The following TUBGCP6 variants were observed in gnomAD, a reference collection of about 807,000 sequenced individuals.
TUBGCP6 encodes the protein tubulin gamma complex component 6.
A neutral mutation model predicts 175.8 loss-of-function variants in TUBGCP6; 161 were observed. The ratio of observed to expected loss-of-function variants is 0.92; its 90% CI spans 0.81 to 1.04. The LOEUF is 1.04. TUBGCP6 is among the 50% of genes least tolerant of loss of function. TUBGCP6 has a pLI of 0.00. For synonymous variants in TUBGCP6, 1,173 were observed against 1,030.5 expected, an observed-to-expected ratio of 1.14 and a Z score of -2.65; for missense variants, 2,572 against 2,433.0, an observed-to-expected ratio of 1.06 and a Z score of -1.20.
chr22:50,236,683 T>A (rs926815394), intron 2 of TUBGCP6, among the ~76,000 whole-genome samples: 1 of 152,182 alleles, frequency 6.6e-6, no homozygotes, highest in African/African-American at 2.4e-5. Context: ...AGACCAGCCC[T>A]GAGATGTCCA....
At position 50,222,115 on chromosome 22, in the gene TUBGCP6, C is replaced by A; in HGVS notation, c.2410-13G>T. ...CTTTCAGCATCTCCTGAAATTCAAG[C>A]CAGAGGGGTGACTGGCCAAGCCGGA... On this transcript the variant is annotated splice_polypyrimidine_tract_variant and intron_variant, in intron 14 of 24. Transcript: ENST00000248846. 1 of 1,612,828 alleles carries A rather than the reference C, an allele frequency of 6.2e-7. No homozygotes were observed. The highest frequency in any genetic ancestry group is 8.5e-7 in the Non-Finnish European group (1 of 1,179,802).
Position 50,220,998 on chromosome 22 carries a change from C to T in TUBGCP6, c.3361G>A (p.Val1121Met). 1 of 1,611,776 alleles carries T rather than the reference C, an allele frequency of 6.2e-7. No individual in the cohort carries two copies. Among genetic ancestry groups the T allele is most frequent in the East Asian group, 2.2e-5 (1 of 44,716 alleles). Residue 1121 changes from valine to methionine, a missense_variant, in exon 16 of 25, where the codon GTG becomes ATG. Transcript: ENST00000248846. ...GGCCTGGTGGGAGCCACATCTGACA[C>T]ATTCTCCCCGACCCTGATGCTGGCG... ...SNASIRVGENVSDVAPTRPRW... is the reference protein window; with the variant it reads ...SNASIRVGENMSDVAPTRPRW...
At chr22:50,239,761 T>C (rs1234861305) in intron 2 of TUBGCP6, among the ~76,000 whole-genome samples, 2 of 152,200 alleles carry the variant, frequency 1.3e-5, no homozygotes, top group African/African-American at 2.4e-5. Flanking sequence ...AAAAGGCTCC[T>C]TCATCAGCAC....
Position 50,226,158 on chromosome 22 carries a change from G to C in TUBGCP6, c.1725C>G (p.Leu575=). 2 of 1,614,182 alleles carry C rather than the reference G, an allele frequency of 1.2e-6. No individual in the cohort carries two copies. Among genetic ancestry groups the C allele is most frequent in the South Asian group, 1.1e-5 (1 of 91,086 alleles). The change falls in exon 9 of 25, where the codon CTC becomes CTG. Residue 575 remains leucine (L), a synonymous_variant. Transcript: ENST00000248846. ...CACAGTCCTCCACCTCTTTGGAGAT[G>C]AGCACGTAGCCATGTGTCCAGTACA... The part of the protein sequence containing the change: ...DKLYWTHGYV[L]ISKEVEDCVP...
chr22:50,219,276 AG>A lies in TUBGCP6; in HGVS notation c.4484+11del. The A allele has an allele frequency of 6.2e-7, 1 of 1,607,256 alleles. No individual in the cohort carries two copies. The highest frequency in any genetic ancestry group is 1.3e-5 in the African/African-American group (1 of 75,002). On this transcript the variant is annotated intron_variant, in intron 19 of 24. Transcript: ENST00000248846. ...TGGGTGGGCAGACTGGCGCAGGGGC[AG>A]GGGCACTCACTGGGCGGCCAGCGGT...
In TUBGCP6 at chr22:50,233,804, C is replaced by T. The variant is rs78956285; in HGVS notation, c.906-278G>A. ...GGTCCTGGGCATGGCCGGGGGTATC[C>T]GACTGGCCCAGCCCTGGAAGAGCAC... On this transcript the variant is annotated intron_variant, in intron 2 of 24. Transcript: ENST00000248846. 0.027 allele frequency among the ~76,000 whole-genome samples: 4,077 copies of T among 152,186 alleles called. 105 individuals carry two copies. The highest frequency in any genetic ancestry group is 0.13 in the East Asian group (685 of 5,192).
At chr22:50,227,618 G>A (rs1245043642) in intron 5 of TUBGCP6, among the ~76,000 whole-genome samples, 1 of 152,246 alleles carries the variant, frequency 6.6e-6, no homozygotes, top group Non-Finnish European at 1.5e-5. Flanking sequence ...TCACTAACCA[G>A]CTTGTGTGTA....
intron 2 of TUBGCP6, among the ~76,000 whole-genome samples, chr22:50,235,599 T>C (rs996805015): frequency 9.9e-5 from 15 of 152,198 alleles, no homozygotes; most frequent in African/African-American, 3.6e-4. Flanking sequence ...CACAAAACAC[T>C]GTGCAACTCC....
intron 1 of TUBGCP6, 61 bp from the exon 2 acceptor site, chr22:50,240,428 C>A: frequency 6.3e-7 from 1 of 1,591,316 alleles, no homozygotes; most frequent in Non-Finnish European, 8.6e-7. Context: ...CATCCAAGGG[C>A]GATGAGAATT....
At chr22:50,230,111 G>A (rs1032443557) in intron 3 of TUBGCP6, among the ~76,000 whole-genome samples, 3 of 151,994 alleles carry the variant, frequency 2.0e-5, no homozygotes, top group Admixed American at 1.3e-4. Context: ...AAAATATCCC[G>A]CAATACAAAG....
Position 50,245,020 on chromosome 22 carries a change from G to A in TUBGCP6, c.-561C>T, listed in dbSNP as rs2064903701. 4.1e-6 allele frequency: 1 copy of A among 243,336 alleles called. No individual in the cohort carries two copies. Among genetic ancestry groups the A allele is most frequent in the Admixed American group, 5.2e-5 (1 of 19,090 alleles). The allele number at this position is 243,336 out of a possible 1,614,324, so 15.1% of individuals were successfully genotyped here. A position where few individuals can be genotyped will look rare whatever the true frequency, so the allele number is the denominator to read the frequency against. Reference sequence around the variant, plus strand: ...CCTCCGTCGCGTCACAGCCGCGCCAGTGTGAAGAGCACTAGGGCGGGCGCG... The same window carrying A: ...CCTCCGTCGCGTCACAGCCGCGCCAATGTGAAGAGCACTAGGGCGGGCGCG... On this transcript the variant is annotated 5_prime_UTR_variant, in exon 1 of 25. Transcript: ENST00000248846.
chr22:50,236,291 A>G (rs2064777982), intron 2 of TUBGCP6, among the ~76,000 whole-genome samples: 1 of 151,962 alleles, frequency 6.6e-6, no homozygotes, highest in African/African-American at 2.4e-5. Context: ...ACGGGCCACC[A>G]TGCCTGGCTA....
intron 2 of TUBGCP6, among the ~76,000 whole-genome samples, chr22:50,235,088 ACATCATCCACAACCCTATCCACTGCAG>A (rs1024002221): frequency 1.3e-5 from 2 of 148,350 alleles, no homozygotes; most frequent in Non-Finnish European, 3.0e-5. Context: ...GTCCATGGGA[ACATCATCCACAACCCTATCCACTGCAG>A]CATCATCCAC....
At chr22:50,235,669 C>T (rs2064769590) in intron 2 of TUBGCP6, among the ~76,000 whole-genome samples, 1 of 152,168 alleles carries the variant, frequency 6.6e-6, no homozygotes, top group Admixed American at 6.5e-5. Context: ...AGGCCAGGTG[C>T]GGTGGCTCAT....
In TUBGCP6 at chr22:50,226,979, G is replaced by C; in HGVS notation, c.1491+20C>G. ...TGGAGCCCACCAGGCTGACACACTC[G>C]GCAGGGACGCACAACTCACGGTGGG... On this transcript the variant is annotated intron_variant, in intron 6 of 24. Coordinates refer to ENST00000248846, the MANE Select transcript of TUBGCP6 (RefSeq NM_020461.4). The C allele has an allele frequency of 6.2e-7, 1 of 1,608,740 alleles. No homozygotes were observed. Among genetic ancestry groups the C allele is most frequent in the Non-Finnish European group, 8.5e-7 (1 of 1,178,020 alleles).
Position 50,218,104 on chromosome 22 carries a change from C to A in TUBGCP6, c.5182G>T (p.Glu1728Ter), listed in dbSNP as rs1044055223. 1 of 1,612,624 alleles carries A rather than the reference C, an allele frequency of 6.2e-7. No homozygotes were observed. The highest frequency in any genetic ancestry group is 8.5e-7 in the Non-Finnish European group (1 of 1,179,702). The change falls in exon 24 of 25, where the codon GAG (glutamate) becomes TAG (stop). Residue 1728 changes from glutamate to a stop codon, truncating the protein, a stop_gained. Transcript: ENST00000248846. LOFTEE classifies it high-confidence loss of function. Reference protein sequence around the residue: ...HKAVFRGLLTEKAAPVMNVIH... With the variant: ...HKAVFRGLLT ...ACGTTCATGACGGGCGCCGCCTTCT[C>A]CGTGAGCAGGCCCCTGGGGGGAAGC...
chr22:50,218,557 A>G lies in TUBGCP6; in HGVS notation c.4885T>C (p.Ser1629Pro). The change falls in exon 22 of 25, where the codon TCC becomes CCC. Residue 1629 changes from serine (S) to proline (P), a missense_variant. Coordinates refer to ENST00000248846, the MANE Select transcript of TUBGCP6 (RefSeq NM_020461.4). ...ATGAGCTTCAGCTGCAGCAGGAAGGAGAAGACGCCGCTGTACTTGCTCACG... is the reference window on the plus strand; with the variant it reads ...ATGAGCTTCAGCTGCAGCAGGAAGGGGAAGACGCCGCTGTACTTGCTCACG... ...GCVSKYSGVF[S>P]FLLQLKLMMW... 6.2e-7 allele frequency: 1 copy of G among 1,613,738 alleles called. No homozygotes were observed. The highest frequency in any genetic ancestry group is 8.5e-7 in the Non-Finnish European group (1 of 1,179,958).
At position 50,220,405 on chromosome 22, in the gene TUBGCP6, C is replaced by T. The variant is rs369552785; in HGVS notation, c.3954G>A (p.Gly1318=). Residue 1318 remains glycine, a synonymous_variant, in exon 16 of 25, where the codon GGG becomes GGA. Coordinates refer to ENST00000248846, the MANE Select transcript of TUBGCP6 (RefSeq NM_020461.4). ...GCCCCACTTCTACAGGCAGCCGTGG[C>T]CCACAGTCCAGCACAGTGCTCTGTG... is the stretch of plus-strand genomic sequence containing the variant. The part of the protein sequence containing the change: ...LGAQSTVLDC[G]PRLPVEVGPS... 9 of 1,581,090 alleles carry T rather than the reference C, an allele frequency of 5.7e-6. No individual in the cohort carries two copies. In the African/African-American group the frequency reaches 8.1e-5, roughly 14 times the overall value.
intron 24 of TUBGCP6, 27 bp downstream of exon 24, chr22:50,217,880 GGCCCCCCCGCA>G: frequency 6.2e-7 from 1 of 1,606,386 alleles, no homozygotes. Context: ...GCCCCGCCCT[GGCCCCCCCGCA>G]GCCCTCCCAG....
Sources: allele counts gnomAD v4.1 joint callset (sites outside exome capture counted in the v4.1 genomes callset), GRCh38; gene constraint gnomAD v4.1.1; transcripts MANE v1.5; gene names NCBI Gene and HGNC (gene_info 2026-07-23, HGNC 2026-07-21).